The following GPHN variants were observed in gnomAD, a reference collection of about 807,000 sequenced individuals.
GPHN encodes gephyrin.
Under a neutral mutation model 95.5 loss-of-function variants are expected in GPHN, and 17 were observed. The ratio of observed to expected loss-of-function variants is 0.18; its 90% confidence interval spans 0.12 to 0.27. GPHN has a LOEUF of 0.27. Among genes scored for constraint, GPHN ranks in the 10% least tolerant of loss-of-function variants. GPHN has a pLI of 1.00. For synonymous variants in GPHN, 320 were observed against 322.5 expected, an observed-to-expected ratio of 0.99 and a Z score of 0.08; for missense variants, 660 against 978.1, an observed-to-expected ratio of 0.67 and a Z score of 4.34.
chr14:67,154,505 A>G (rs2081467039), intron 18 of GPHN, among the ~76,000 whole-genome samples: 1 of 152,254 alleles, frequency 6.6e-6, no homozygotes. Flanking sequence ...TGCGTAGCAC[A>G]TATGGAATTC....
the GPHN span, chr14:67,301,990 G>A: frequency 3.1e-6 from 5 of 1,599,900 alleles, no homozygotes; most frequent in Non-Finnish European, 4.3e-6. Context: ...ACTGGCCCAC[G>A]ATAAGGTTGC....
the GPHN span, among the ~76,000 whole-genome samples, chr14:67,244,394 A>G: frequency 6.6e-6 from 1 of 152,124 alleles, no homozygotes; most frequent in African/African-American, 2.4e-5. Flanking sequence ...GTGGCTTCAC[A>G]TTCTTGCCCA....
At chr14:66,598,212 G>T (rs903026969) in intron 1 of GPHN, among the ~76,000 whole-genome samples, 1 of 152,108 alleles carries the variant, frequency 6.6e-6, no homozygotes, top group Admixed American at 6.5e-5. Context: ...GTAAATCATG[G>T]TGACTGCAGT....
At chr14:67,687,372 C>T in the GPHN span, among the ~76,000 whole-genome samples, 1 of 152,046 alleles carries the variant, frequency 6.6e-6, no homozygotes, top group Non-Finnish European at 1.5e-5. Flanking sequence ...CTTTCTACAA[C>T]CTACCAATGG....
the GPHN span, among the ~76,000 whole-genome samples, chr14:67,310,313 C>T: frequency 1.3e-5 from 2 of 152,100 alleles, no homozygotes; most frequent in South Asian, 4.1e-4. Flanking sequence ...GGATGAGCCA[C>T]AACACTTTCA....
the GPHN span, chr14:67,691,145 T>G: frequency 6.2e-7 from 1 of 1,610,260 alleles, no homozygotes; most frequent in South Asian, 1.1e-5. Flanking sequence ...CTTACCCAAG[T>G]GGTTGACTCC....
rs111735793 is a variant in GPHN at position 67,173,127 on chromosome 14, C to G, written c.2079+4091C>G. On this transcript the variant is annotated intron_variant, in intron 21 of 22. Coordinates refer to ENST00000478722, the MANE Select transcript of GPHN (RefSeq NM_020806.5). ...CCTGGCTCTGTGGACAACCTACACTCAAAACTACCACAGGAAAAAAACAAG... is the reference window on the plus strand; with the variant it reads ...CCTGGCTCTGTGGACAACCTACACTGAAAACTACCACAGGAAAAAAACAAG... Among the ~76,000 whole-genome samples, 466 of 152,274 alleles carry G rather than the reference C, an allele frequency of 3.1e-3. 5 individuals carry two copies. The highest frequency in any genetic ancestry group is 0.011 in the African/African-American group (448 of 41,550).
At chr14:67,607,418 G>C in the GPHN span, among the ~76,000 whole-genome samples, 5 of 152,154 alleles carry the variant, frequency 3.3e-5, no homozygotes, top group Non-Finnish European at 7.4e-5. Flanking sequence ...CCAGGCTGGA[G>C]TCCAGTGGCG....
chr14:67,423,287 A>T, the GPHN span, among the ~76,000 whole-genome samples: 72 of 152,240 alleles, frequency 4.7e-4, no homozygotes, highest in Non-Finnish European at 9.4e-4. Flanking sequence ...GACTGTCTGT[A>T]GTGACCTCTA....
the GPHN span, chr14:67,557,516 G>A: frequency 8.8e-7 from 1 of 1,132,702 alleles, no homozygotes; most frequent in Non-Finnish European, 1.3e-6. Flanking sequence ...CTCTAGTGCT[G>A]GGGAACTCGC....
At position 67,174,003 on chromosome 14, in the gene GPHN, G is replaced by A. The variant is rs183024689; in HGVS notation, c.2079+4967G>A. ...GTCATTTGAAATTACCCACTCTGAA[G>A]GGGAAAAAAAGAAATAACAATGAAA... On this transcript the variant is annotated intron_variant, in intron 21 of 22. Transcript: ENST00000478722. 3.0e-3 allele frequency among the ~76,000 whole-genome samples: 449 copies of A among 152,152 alleles called. 3 individuals carry two copies. Among genetic ancestry groups the A allele is most frequent in the African/African-American group, 0.01 (431 of 41,506 alleles).
chr14:67,238,962 C>T, the GPHN span, among the ~76,000 whole-genome samples: 1 of 152,040 alleles, frequency 6.6e-6, no homozygotes, highest in Non-Finnish European at 1.5e-5. Flanking sequence ...ATTTTTATAG[C>T]ACTTCTTTTC....
intron 8 of GPHN, among the ~76,000 whole-genome samples, chr14:66,945,253 T>C (rs1192407605): frequency 6.6e-6 from 1 of 152,134 alleles, no homozygotes; most frequent in African/African-American, 2.4e-5. Context: ...GCCTCACAGA[T>C]TGAATTGCAG....
At chr14:67,527,806 G>A in the GPHN span, among the ~76,000 whole-genome samples, 1 of 152,250 alleles carries the variant, frequency 6.6e-6, no homozygotes, top group African/African-American at 2.4e-5. Context: ...GATGTCCTCA[G>A]ATTGCGGAGC....
intron 12 of GPHN, among the ~76,000 whole-genome samples, chr14:67,096,616 CTTTT>C (rs200466980): frequency 2.2e-5 from 3 of 134,682 alleles, no homozygotes; most frequent in African/African-American, 2.7e-5. Flanking sequence ...TCAAAGCAGT[CTTTT>C]TTTTTTTTTT....
chr14:67,025,651 A>G (rs113731010), intron 10 of GPHN, among the ~76,000 whole-genome samples: 1 of 152,340 alleles, frequency 6.6e-6, no homozygotes, highest in Non-Finnish European at 1.5e-5. Flanking sequence ...TACTTCCATA[A>G]GAAATTCCTT....
At chr14:67,144,724 A>C (rs550173401) in intron 18 of GPHN, among the ~76,000 whole-genome samples, 1 of 152,220 alleles carries the variant, frequency 6.6e-6, no homozygotes, top group African/African-American at 2.4e-5. Flanking sequence ...TTATAACCTG[A>C]CTCTTTGGAC....
chr14:67,257,834 T>A, the GPHN span, among the ~76,000 whole-genome samples: 33 of 152,246 alleles, frequency 2.2e-4, no homozygotes, highest in South Asian at 4.1e-4. Flanking sequence ...TTGCTTTTTT[T>A]AAAAAATACA....
chr14:66,814,473 A>G lies in GPHN; in HGVS notation c.202-10001A>G, dbSNP rs145748779. ...CCCAGCACAATGGACTGAACCTCAA[A>G]GAGGTCAAACTGGGGCCCAATGCAA... is the stretch of plus-strand genomic sequence containing the variant. On this transcript the variant is annotated intron_variant, in intron 3 of 22. Coordinates refer to ENST00000478722, the MANE Select transcript of GPHN (RefSeq NM_020806.5). Among the ~76,000 whole-genome samples the G allele has an allele frequency of 1.2e-4, 19 of 152,320 alleles. No individual in the cohort carries two copies. The East Asian group carries it at 3.7e-3, about 29-fold the overall frequency.
Sources: allele counts gnomAD v4.1 joint callset (sites outside exome capture counted in the v4.1 genomes callset), GRCh38; gene constraint gnomAD v4.1.1; transcripts MANE v1.5; gene names NCBI Gene and HGNC (gene_info 2026-07-23, HGNC 2026-07-21).